The following APBA2 variants were observed in gnomAD, a reference collection of about 807,000 sequenced individuals.
APBA2 encodes the protein amyloid-beta A4 precursor protein-binding family A member 2.
APBA2 carries 30 observed loss-of-function variants against 75.0 expected under a neutral mutation model. That is an observed-to-expected ratio of 0.40 (90% CI 0.30 to 0.54). The LOEUF (loss-of-function observed/expected upper bound fraction) is 0.54. APBA2 is among the 20% of genes least tolerant of loss of function. APBA2 has a pLI of 0.49. For missense variants in APBA2, 801 were observed against 1,016.1 expected (o/e 0.79, Z 2.88); for synonymous variants, 444 against 409.6 (o/e 1.08, Z -1.01).
At chr15:28,911,428 C>T (rs570955713) in intron 1 of APBA2, among the ~76,000 whole-genome samples, 35 of 152,184 alleles carry the variant, frequency 2.3e-4, no homozygotes, top group Non-Finnish European at 3.7e-4. Context: ...ACAGGGTGAA[C>T]GAGGTGGCAG....
intron 2 of APBA2, among the ~76,000 whole-genome samples, chr15:28,963,595 C>A (rs551601102): frequency 2.6e-5 from 4 of 152,198 alleles, no homozygotes; most frequent in African/African-American, 9.7e-5. Context: ...CCACTAAACA[C>A]GGGCTATGAC....
intron 3 of APBA2, among the ~76,000 whole-genome samples, chr15:29,053,314 G>A (rs771279380): frequency 2.6e-5 from 4 of 152,118 alleles, no homozygotes; most frequent in Admixed American, 1.3e-4. Flanking sequence ...CCAGTTCCTC[G>A]GTGAACATTG....
rs772215906 is a variant in APBA2, at chr15:29,054,235, C to T, written c.351C>T (p.Asn117=). 53 of 1,613,998 alleles carry T rather than the reference C, an allele frequency of 3.3e-5. No individual in the cohort carries two copies. Among genetic ancestry groups the T allele is most frequent in the Admixed American group, 8.3e-5 (5 of 60,000 alleles). ...GCTACCTAGAGGGCATGGACTGCAA[C>T]GGGGAGGAGTACCTGGCCCACAGTG... ...DDSYLEGMDC[N]GEEYLAHSAH... Residue 117 remains asparagine, a synonymous_variant, in exon 4 of 15, where the codon AAC becomes AAT. Transcript: ENST00000683413. The surrounding 1 kb of genome is among the most constrained non-coding windows in gnomAD (Gnocchi z 6.1).
At chr15:29,075,851 A>G (rs571492191) in intron 5 of APBA2, among the ~76,000 whole-genome samples, 2 of 152,066 alleles carry the variant, frequency 1.3e-5, no homozygotes, top group East Asian at 3.9e-4. Flanking sequence ...GTTTTAGATG[A>G]TGGGCTTTTG....
intron 4 of APBA2, among the ~76,000 whole-genome samples, chr15:29,062,813 C>A (rs1367406077): frequency 6.6e-6 from 1 of 152,172 alleles, no homozygotes; most frequent in Non-Finnish European, 1.5e-5. Context: ...GTCAGGAAGC[C>A]GGCATCCCAC....
chr15:28,919,040 T>C (rs2033829862), intron 1 of APBA2, among the ~76,000 whole-genome samples: 1 of 152,004 alleles, frequency 6.6e-6, no homozygotes, highest in African/African-American at 2.4e-5. Context: ...TTTGCGTTTT[T>C]TAGTAGAAAC....
intron 4 of APBA2, 148 bp from the exon 5 acceptor site, chr15:29,074,771 GTA>G: frequency 6.0e-6 from 4 of 666,036 alleles, no homozygotes; most frequent in Non-Finnish European, 1.1e-5. Context: ...AGCAGTTTAA[GTA>G]TAATTAAATA....
intron 2 of APBA2, among the ~76,000 whole-genome samples, chr15:28,937,498 G>A (rs544951422): frequency 3.9e-4 from 60 of 152,170 alleles, no homozygotes; most frequent in Admixed American, 1.0e-3. Context: ...AGGTTCCCTC[G>A]GTTCCTGAAG....
intron 7 of APBA2, 74 bp downstream of exon 7, chr15:29,093,294 G>A: frequency 6.3e-7 from 1 of 1,578,584 alleles, no homozygotes; most frequent in African/African-American, 1.3e-5. Context: ...AATATGGCGG[G>A]GCGTAGGCCC....
At chr15:29,060,023 G>A (rs2042063281) in intron 4 of APBA2, among the ~76,000 whole-genome samples, 1 of 152,046 alleles carries the variant, frequency 6.6e-6, no homozygotes, top group Non-Finnish European at 1.5e-5. Flanking sequence ...TTTACACCCT[G>A]GGGAGTAAAG....
At chr15:28,909,784 G>C (rs530268506) in intron 1 of APBA2, among the ~76,000 whole-genome samples, 2 of 152,218 alleles carry the variant, frequency 1.3e-5, no homozygotes, top group Non-Finnish European at 2.9e-5. Flanking sequence ...AAAAGAGCCT[G>C]TATCCATCCT....
At chr15:29,024,306 A>G (rs2040108161) in intron 3 of APBA2, among the ~76,000 whole-genome samples, 1 of 152,226 alleles carries the variant, frequency 6.6e-6, no homozygotes, top group Non-Finnish European at 1.5e-5. Flanking sequence ...CCACGAGACC[A>G]TTATCATAGT....
chr15:29,001,608 G>C (rs2038850773), intron 3 of APBA2, among the ~76,000 whole-genome samples: 1 of 152,202 alleles, frequency 6.6e-6, no homozygotes. Context: ...AATGAAGAGG[G>C]GATGTGTAGC....
intron 3 of APBA2, among the ~76,000 whole-genome samples, chr15:29,031,322 G>C (rs1002910192): frequency 1.3e-5 from 2 of 152,162 alleles, no homozygotes; most frequent in Non-Finnish European, 2.9e-5. Context: ...GAAATGTATT[G>C]CCTCACAGTT....
chr15:29,016,262 C>CA (rs1238199257), intron 3 of APBA2, among the ~76,000 whole-genome samples: 1 of 152,140 alleles, frequency 6.6e-6, no homozygotes, highest in Non-Finnish European at 1.5e-5. Flanking sequence ...TCTCAAAAAA[C>CA]AAACAAACAA....
At chr15:28,999,606 C>T (rs984768476) in intron 3 of APBA2, among the ~76,000 whole-genome samples, 2 of 152,048 alleles carry the variant, frequency 1.3e-5, no homozygotes, top group African/African-American at 4.8e-5. Context: ...AGTTAGTAAA[C>T]CCCTTTAGAG....
intron 12 of APBA2, among the ~76,000 whole-genome samples, 154 bp from the exon 13 acceptor site, chr15:29,108,116 C>T (rs920166955): frequency 6.6e-6 from 1 of 152,130 alleles, no homozygotes; most frequent in Non-Finnish European, 1.5e-5. Context: ...CCCCGCTGCA[C>T]AGAGGGGCTA....
intron 2 of APBA2, among the ~76,000 whole-genome samples, chr15:28,930,350 C>T (rs2034498757): frequency 6.6e-6 from 1 of 152,206 alleles, no homozygotes; most frequent in African/African-American, 2.4e-5. Context: ...CGTGGTCCCT[C>T]TGAGCCTGCC....
In APBA2 at chr15:28,956,548, T is replaced by C. The variant is rs2036177593; in HGVS notation, c.-95+34799T>C. ...CTTTTTAAAATTAAATACTATTTTATTTAAAAAATTGTGTAAAATACACAT... is the reference window on the plus strand; with the variant it reads ...CTTTTTAAAATTAAATACTATTTTACTTAAAAAATTGTGTAAAATACACAT... On this transcript the variant is annotated intron_variant, in intron 2 of 14. Coordinates refer to ENST00000683413, the MANE Select transcript of APBA2 (RefSeq NM_001353788.2). Among the ~76,000 whole-genome samples, 3 of 152,224 alleles carry C rather than the reference T, an allele frequency of 2.0e-5. No individual in the cohort carries two copies. The South Asian group carries it at 6.2e-4, about 31-fold the overall frequency.
Sources: allele counts gnomAD v4.1 joint callset (sites outside exome capture counted in the v4.1 genomes callset), GRCh38; gene constraint gnomAD v4.1.1; non-coding constraint Gnocchi (gnomAD v3.1); transcripts MANE v1.5; gene names NCBI Gene and HGNC (gene_info 2026-07-23, HGNC 2026-07-21).